ANKS1B: variants seen among roughly 807,000 people sequenced by gnomAD.
ANKS1B encodes the protein ankyrin repeat and sterile alpha motif domain-containing protein 1B.
ANKS1B carries 36 observed loss-of-function variants against 148.3 expected under a neutral mutation model. The observed-to-expected ratio is 0.24, with a 90% CI of 0.19 to 0.32. The LOEUF is 0.32. Ranked by LOEUF, ANKS1B falls within the 10% of genes least tolerant of loss-of-function variation. The probability of loss-of-function intolerance (pLI) is 1.00; values close to 1 mark genes in which losing one functional copy is unlikely to be tolerated. For missense variants in ANKS1B, 1,157 were observed against 1,542.6 expected (o/e 0.75, Z 4.19); for synonymous variants, 542 against 560.8 (o/e 0.97, Z 0.47).
intron 15 of ANKS1B, among the ~76,000 whole-genome samples, chr12:99,095,144 A>G (rs181551856): frequency 2.6e-5 from 4 of 152,326 alleles, no homozygotes; most frequent in African/African-American, 9.6e-5. Context: ...GGATACAACT[A>G]TGAATAAAGA....
At chr12:99,122,995 A>ATATAT (rs57571566) in intron 15 of ANKS1B, among the ~76,000 whole-genome samples, 6 of 141,520 alleles carry the variant, frequency 4.2e-5, no homozygotes, top group Middle Eastern at 3.6e-3. Flanking sequence ...AATTAAAAAA[A>ATATAT]AAATATATAT....
intron 11 of ANKS1B, among the ~76,000 whole-genome samples, chr12:99,415,523 A>G (rs1364439291): frequency 2.0e-5 from 3 of 152,180 alleles, no homozygotes; most frequent in African/African-American, 7.2e-5. Context: ...TAAATTTTTT[A>G]TTTTCAATAA....
chr12:99,028,606 G>A (rs1033505425), intron 17 of ANKS1B, among the ~76,000 whole-genome samples: 1 of 152,120 alleles, frequency 6.6e-6, no homozygotes, highest in African/African-American at 2.4e-5. Context: ...GCCTTTTACT[G>A]CTTAATTATT....
intron 12 of ANKS1B, among the ~76,000 whole-genome samples, chr12:99,372,531 T>C (rs994365144): frequency 6.6e-6 from 1 of 152,146 alleles, no homozygotes; most frequent in Admixed American, 6.6e-5. Context: ...TTAAAATTCC[T>C]TTCTTTGTAA....
intron 15 of ANKS1B, among the ~76,000 whole-genome samples, chr12:99,131,659 A>T (rs2066121360): frequency 2.0e-5 from 3 of 152,124 alleles, no homozygotes; most frequent in Non-Finnish European, 4.4e-5. Context: ...TGAGACTGTA[A>T]ATTATCCTGT....
intron 25 of ANKS1B, among the ~76,000 whole-genome samples, chr12:98,754,270 A>G (rs1210294935): frequency 1.3e-5 from 2 of 152,230 alleles, no homozygotes; most frequent in Admixed American, 1.3e-4. Context: ...CGCACCAGCA[A>G]ATGATAGTGG....
chr12:99,719,750 A>G (rs146322801), intron 8 of ANKS1B, among the ~76,000 whole-genome samples: 1,565 of 152,236 alleles, frequency 0.01, 40 homozygotes, highest in African/African-American at 0.035. Flanking sequence ...TTTAATAAAA[A>G]CGCTTCTCAA....
At chr12:99,225,883 A>T (rs1277955796) in intron 14 of ANKS1B, among the ~76,000 whole-genome samples, 1 of 152,206 alleles carries the variant, frequency 6.6e-6, no homozygotes. Context: ...TGATCATGTG[A>T]GTCAATATTC....
At chr12:99,820,746 A>G (rs2082401935) in intron 2 of ANKS1B, among the ~76,000 whole-genome samples, 2 of 151,978 alleles carry the variant, frequency 1.3e-5, no homozygotes, top group Non-Finnish European at 2.9e-5. Context: ...CATATGACAA[A>G]TGATTATGGG....
chr12:99,923,288 C>G lies in ANKS1B; in HGVS notation c.134+60816G>C, dbSNP rs150928902. On this transcript the variant is annotated intron_variant, in intron 1 of 26. Transcript: ENST00000683438. ...GTGCTAATGTATAAATAGAAGTTAG[C>G]TGCAAGAACAAAGGAGTAAGAGCAT... 3.2e-3 allele frequency among the ~76,000 whole-genome samples: 484 copies of G among 152,250 alleles called. 5 individuals carry two copies. Among genetic ancestry groups the G allele is most frequent in the African/African-American group, 0.011 (452 of 41,568 alleles).
At chr12:99,157,270 C>A (rs1022103569) in intron 14 of ANKS1B, among the ~76,000 whole-genome samples, 1 of 152,204 alleles carries the variant, frequency 6.6e-6, no homozygotes, top group African/African-American at 2.4e-5. Flanking sequence ...TCAATTATAG[C>A]TTCTCCTAGG....
intron 19 of ANKS1B, among the ~76,000 whole-genome samples, chr12:98,815,730 G>A (rs973084160): frequency 3.3e-5 from 5 of 152,108 alleles, no homozygotes; most frequent in South Asian, 4.2e-4. Context: ...CCTGTATCTC[G>A]CATTCAATCC....
At chr12:98,973,073 T>C (rs567643446) in intron 17 of ANKS1B, among the ~76,000 whole-genome samples, 2 of 152,324 alleles carry the variant, frequency 1.3e-5, no homozygotes, top group African/African-American at 4.8e-5. Context: ...AAGACCTTCA[T>C]AGAGCAAAAG....
chr12:99,054,183 A>G (rs1293638650), intron 16 of ANKS1B, among the ~76,000 whole-genome samples: 1 of 152,178 alleles, frequency 6.6e-6, no homozygotes, highest in Non-Finnish European at 1.5e-5. Context: ...CGTATATCTA[A>G]TACTTCAGTT....
At chr12:99,483,490 A>G (rs1345840880) in intron 10 of ANKS1B, among the ~76,000 whole-genome samples, 3 of 151,880 alleles carry the variant, frequency 2.0e-5, no homozygotes, top group Admixed American at 6.6e-5. Flanking sequence ...TGGTTTGGGC[A>G]TCAGGCTGAT....
chr12:99,851,878 G>A lies in ANKS1B; in HGVS notation c.135-26489C>T, dbSNP rs138308053. Among the ~76,000 whole-genome samples, 427 of 152,274 alleles carry A rather than the reference G, an allele frequency of 2.8e-3. 2 individuals are homozygous for A. The highest frequency in any genetic ancestry group is 5.8e-3 in the Admixed American group (88 of 15,294). ...CTATTCAGAACCCTTCAGAGATTTA[G>A]GGTAAAGCAGAGTCACATTTTGAGG... On this transcript the variant is annotated intron_variant, in intron 1 of 26. Transcript: ENST00000683438.
At chr12:99,179,099 A>C (rs2078775944) in intron 14 of ANKS1B, among the ~76,000 whole-genome samples, 1 of 152,186 alleles carries the variant, frequency 6.6e-6, no homozygotes, top group Admixed American at 6.5e-5. Flanking sequence ...TGGATTGACT[A>C]AGTGTGATGA....
intron 17 of ANKS1B, among the ~76,000 whole-genome samples, chr12:98,950,364 G>A (rs1271022659): frequency 6.6e-6 from 1 of 152,146 alleles, no homozygotes. Context: ...GGGCATGGTG[G>A]TGCCCGCCTG....
At chr12:99,317,736 T>G (rs978253768) in intron 12 of ANKS1B, among the ~76,000 whole-genome samples, 1 of 152,220 alleles carries the variant, frequency 6.6e-6, no homozygotes, top group Admixed American at 6.5e-5. Context: ...CATCTCTGTC[T>G]TGTGCCAGTT....
Sources: gnomAD v4.1 joint callset for allele counts (sites outside exome capture counted in the v4.1 genomes callset) on GRCh38, gnomAD v4.1.1 for gene constraint, MANE v1.5 for transcripts, NCBI Gene and HGNC (gene_info 2026-07-23, HGNC 2026-07-21) for gene names.